The following GRM1 variants were observed in gnomAD, a reference collection of about 807,000 sequenced individuals.
GRM1 encodes the protein glutamate metabotropic receptor 1, also known as metabotropic glutamate receptor 1.
In GRM1, 33 loss-of-function variants were observed where a neutral mutation model predicts 90.9. The ratio of observed to expected loss-of-function variants is 0.36; its 90% confidence interval spans 0.28 to 0.49. GRM1 has a LOEUF of 0.49. Ranked by LOEUF, GRM1 falls within the 20% of genes least tolerant of loss-of-function variation. The pLI is 0.99. For missense variants in GRM1, 1,190 were observed against 1,534.3 expected, an observed-to-expected ratio of 0.78 and a Z score of 3.75; for synonymous variants, 700 against 613.2, an observed-to-expected ratio of 1.14 and a Z score of -2.09.
intron 2 of GRM1, among the ~76,000 whole-genome samples, chr6:146,208,474 C>A (rs1487610384): frequency 6.6e-6 from 1 of 152,096 alleles, no homozygotes; most frequent in Non-Finnish European, 1.5e-5. Flanking sequence ...TTCATACAGA[C>A]AAAGTGTTAA....
chr6:146,086,032 G>A (rs975551219), intron 1 of GRM1, among the ~76,000 whole-genome samples: 2 of 152,078 alleles, frequency 1.3e-5, no homozygotes, highest in Admixed American at 6.6e-5. Flanking sequence ...AAGACAATTC[G>A]GGGTATATGA....
At chr6:146,142,244 C>T (rs1014428207) in intron 1 of GRM1, among the ~76,000 whole-genome samples, 2 of 152,190 alleles carry the variant, frequency 1.3e-5, no homozygotes, top group Admixed American at 1.3e-4. Context: ...CCCTTACTTT[C>T]TCCCAAACAA....
chr6:146,051,607 T>C (rs1279633949), intron 1 of GRM1, among the ~76,000 whole-genome samples: 1 of 152,096 alleles, frequency 6.6e-6, no homozygotes, highest in Non-Finnish European at 1.5e-5. Context: ...AAAGCTATGA[T>C]CAGTTATGAC....
Position 146,399,551 on chromosome 6 carries a change from A to T in GRM1, c.2512A>T (p.Ile838Phe). The T allele has an allele frequency of 6.2e-7, 1 of 1,614,120 alleles. No individual in the cohort carries two copies. The highest frequency in any genetic ancestry group is 8.5e-7 in the Non-Finnish European group (1 of 1,180,000). Residue 838 changes from isoleucine to phenylalanine, a missense_variant, in exon 7 of 8, where the codon ATT becomes TTT. Coordinates refer to ENST00000282753, the MANE Select transcript of GRM1 (RefSeq NM_001278064.2). The surrounding 1 kb of genome is among the most constrained non-coding windows in gnomAD (Gnocchi z 5.4). ...GCMFTPKMYI[I>F]IAKPERNVRS... Reference sequence around the variant, plus strand: ...CATGTTCACTCCCAAGATGTACATCATTATTGCCAAGCCTGAGAGGAATGT... The same window carrying T: ...CATGTTCACTCCCAAGATGTACATCTTTATTGCCAAGCCTGAGAGGAATGT...
At chr6:146,210,410 G>T (rs1293890147) in intron 2 of GRM1, among the ~76,000 whole-genome samples, 2 of 152,190 alleles carry the variant, frequency 1.3e-5, no homozygotes, top group Non-Finnish European at 1.5e-5. Context: ...ATGCCGTAAG[G>T]TTACAATGAA....
At chr6:146,172,474 C>T (rs567487357) in intron 2 of GRM1, among the ~76,000 whole-genome samples, 1 of 152,278 alleles carries the variant, frequency 6.6e-6, no homozygotes, top group African/African-American at 2.4e-5. Context: ...TGAGCATGGA[C>T]ATCTTTGACT....
intron 1 of GRM1, among the ~76,000 whole-genome samples, chr6:146,148,498 A>G (rs1328182474): frequency 1.3e-5 from 2 of 152,136 alleles, no homozygotes; most frequent in Non-Finnish European, 2.9e-5. Flanking sequence ...ATTTTATATC[A>G]TCCTTGAAAA....
chr6:146,389,627 C>T (rs1278542496), intron 6 of GRM1, among the ~76,000 whole-genome samples: 2 of 151,966 alleles, frequency 1.3e-5, no homozygotes, highest in Non-Finnish European at 2.9e-5. Flanking sequence ...ACATTTCTAA[C>T]GATTTAATAT....
intron 7 of GRM1, among the ~76,000 whole-genome samples, chr6:146,409,595 A>T (rs1349772296): frequency 6.6e-6 from 1 of 152,168 alleles, no homozygotes; most frequent in Non-Finnish European, 1.5e-5. Context: ...TTTGTCTTAT[A>T]AAGAAAATAG....
At chr6:146,364,775 T>A (rs1436981616) in intron 5 of GRM1, among the ~76,000 whole-genome samples, 1 of 130,952 alleles carries the variant, frequency 7.6e-6, no homozygotes, top group Non-Finnish European at 1.5e-5. Flanking sequence ...CCTCTTCTTC[T>A]ATTTTTTTTT....
At chr6:146,136,148 A>G (rs1203522791) in intron 1 of GRM1, among the ~76,000 whole-genome samples, 2 of 152,160 alleles carry the variant, frequency 1.3e-5, no homozygotes, top group Non-Finnish European at 2.9e-5. Flanking sequence ...TTCATTGTGT[A>G]TATATACCAC....
At chr6:146,161,311 A>G (rs551883268) in intron 2 of GRM1, among the ~76,000 whole-genome samples, 22 of 152,284 alleles carry the variant, frequency 1.4e-4, no homozygotes, top group Non-Finnish European at 2.9e-4. Context: ...TAATTATGAA[A>G]CATAATTACA....
At chr6:146,252,234 T>C (rs1781313466) in intron 2 of GRM1, among the ~76,000 whole-genome samples, 1 of 152,156 alleles carries the variant, frequency 6.6e-6, no homozygotes, top group Non-Finnish European at 1.5e-5. Flanking sequence ...GCAAAGATTA[T>C]ACATGCAAAA....
chr6:146,074,855 G>A (rs926310060), intron 1 of GRM1, among the ~76,000 whole-genome samples: 1 of 152,156 alleles, frequency 6.6e-6, no homozygotes, highest in Non-Finnish European at 1.5e-5. Flanking sequence ...TCTGTGACAA[G>A]TTAGAGAAGT....
intron 2 of GRM1, among the ~76,000 whole-genome samples, chr6:146,291,498 T>G (rs1363276124): frequency 6.6e-6 from 1 of 151,678 alleles, no homozygotes; most frequent in Non-Finnish European, 1.5e-5. Context: ...TTCTGATATT[T>G]AGGAAAATTT....
At chr6:146,418,886 A>T (rs554886151) in intron 7 of GRM1, among the ~76,000 whole-genome samples, 2 of 152,172 alleles carry the variant, frequency 1.3e-5, no homozygotes, top group Non-Finnish European at 2.9e-5. Flanking sequence ...TAATGTTCGC[A>T]TGAGAAATTC....
chr6:146,073,795 A>G (rs764948744), intron 1 of GRM1, among the ~76,000 whole-genome samples: 3 of 152,186 alleles, frequency 2.0e-5, no homozygotes, highest in South Asian at 2.1e-4. Context: ...AACCTTGTGT[A>G]TCTGTATCTG....
intron 1 of GRM1, among the ~76,000 whole-genome samples, chr6:146,081,705 G>A (rs1336329821): frequency 2.0e-5 from 3 of 152,018 alleles, no homozygotes; most frequent in East Asian, 3.9e-4. Context: ...TTAATTCATC[G>A]ATGAATTGTA....
intron 1 of GRM1, among the ~76,000 whole-genome samples, chr6:146,057,485 T>A (rs1024631268): frequency 6.6e-6 from 1 of 152,106 alleles, no homozygotes; most frequent in Admixed American, 6.6e-5. Flanking sequence ...AAAAATGTGA[T>A]AGGGTAGTTG....
Sources: gnomAD v4.1 joint callset for allele counts (sites outside exome capture counted in the v4.1 genomes callset) on GRCh38, gnomAD v4.1.1 for gene constraint, Gnocchi (gnomAD v3.1) non-coding constraint, MANE v1.5 for transcripts, NCBI Gene and HGNC (gene_info 2026-07-23, HGNC 2026-07-21) for gene names.